NBAS: variants seen among roughly 807,000 people sequenced by gnomAD.
The protein encoded by NBAS is NBAS subunit of NRZ tethering complex, also known as NAG/BC035112 fusion.
In NBAS, 219 loss-of-function variants were observed where a neutral mutation model predicts 302.5. The observed-to-expected ratio is 0.72, with a 90% CI of 0.65 to 0.81. The LOEUF is 0.81. Ranked by LOEUF, NBAS falls within the 30% of genes least tolerant of loss-of-function variation. The probability of loss-of-function intolerance (pLI) is 0.00; values close to 1 mark genes in which losing one functional copy is unlikely to be tolerated. For missense variants in NBAS, 2,932 were observed against 2,841.6 expected, an observed-to-expected ratio of 1.03 and a Z score of -0.72; for synonymous variants, 1,118 against 1,021.6, an observed-to-expected ratio of 1.09 and a Z score of -1.80.
At chr2:15,354,780 T>C (rs1673532758) in intron 33 of NBAS, among the ~76,000 whole-genome samples, 2 of 152,212 alleles carry the variant, frequency 1.3e-5, no homozygotes, top group Non-Finnish European at 2.9e-5. Flanking sequence ...CTAGGCTGCA[T>C]ACTCCAGTTT....
At chr2:15,137,205 TTA>T in the NBAS span, among the ~76,000 whole-genome samples, 1 of 152,220 alleles carries the variant, frequency 6.6e-6, no homozygotes, top group African/African-American at 2.4e-5. Flanking sequence ...AATTTGTTTT[TTA>T]TAAGCTACCC....
chr2:15,033,693 G>A, the NBAS span, among the ~76,000 whole-genome samples: 1 of 152,104 alleles, frequency 6.6e-6, no homozygotes, highest in South Asian at 2.1e-4. Context: ...AGGCACAGTA[G>A]CTCACACCTA....
the NBAS span, among the ~76,000 whole-genome samples, chr2:14,883,971 CA>C: frequency 1.5e-5 from 2 of 130,850 alleles, no homozygotes; most frequent in African/African-American, 6.9e-5. Context: ...GACCTTCTCT[CA>C]AAAAAAATAA....
the NBAS span, among the ~76,000 whole-genome samples, chr2:15,072,042 C>T: frequency 6.6e-6 from 1 of 152,182 alleles, no homozygotes; most frequent in Non-Finnish European, 1.5e-5. Context: ...TGTCTACTTG[C>T]TCAGGATGGC....
the NBAS span, among the ~76,000 whole-genome samples, chr2:14,839,875 G>T: frequency 6.6e-6 from 1 of 151,716 alleles, no homozygotes; most frequent in Non-Finnish European, 1.5e-5. Flanking sequence ...AGACACAAAG[G>T]TACATCCACA....
chr2:14,906,865 T>C, the NBAS span, among the ~76,000 whole-genome samples: 1 of 152,212 alleles, frequency 6.6e-6, no homozygotes, highest in Admixed American at 6.5e-5. Context: ...TTATTTAATA[T>C]TGACGACAAG....
intron 44 of NBAS, among the ~76,000 whole-genome samples, chr2:15,240,875 C>T (rs1022118698): frequency 3.3e-5 from 5 of 152,088 alleles, no homozygotes. Flanking sequence ...TTAACTCCTC[C>T]CTGTGATTCA....
intron 41 of NBAS, among the ~76,000 whole-genome samples, chr2:15,287,853 G>A (rs1398884450): frequency 2.0e-5 from 3 of 149,080 alleles, no homozygotes; most frequent in African/African-American, 5.0e-5. Flanking sequence ...AGGCATCCCC[G>A]CATAAACATC....
chr2:15,182,126 A>G (rs1664853436), intron 50 of NBAS, among the ~76,000 whole-genome samples: 1 of 152,198 alleles, frequency 6.6e-6, no homozygotes, highest in Non-Finnish European at 1.5e-5. Flanking sequence ...CCAACTGGGC[A>G]CTGCAGCGGC....
intron 9 of NBAS, among the ~76,000 whole-genome samples, chr2:15,520,624 G>A (rs1359287750): frequency 6.6e-6 from 1 of 150,912 alleles, no homozygotes; most frequent in Admixed American, 6.6e-5. Flanking sequence ...AAAAAAAACA[G>A]ACAATATGTA....
intron 38 of NBAS, among the ~76,000 whole-genome samples, chr2:15,327,479 T>A (rs1672124268): frequency 6.6e-6 from 1 of 152,178 alleles, no homozygotes; most frequent in African/African-American, 2.4e-5. Flanking sequence ...ACTAGGAGAA[T>A]CACTTTACAT....
At chr2:15,331,744 T>C (rs1297105564) in intron 35 of NBAS, among the ~76,000 whole-genome samples, 3 of 152,178 alleles carry the variant, frequency 2.0e-5, no homozygotes, top group African/African-American at 4.8e-5. Context: ...AAGCTGACAG[T>C]TGCCATATAT....
chr2:15,219,057 CTT>C, intron 47 of NBAS, 89 bp from the exon 48 acceptor site: 1 of 1,490,102 alleles, frequency 6.7e-7, no homozygotes, highest in Non-Finnish European at 9.1e-7. Context: ...TGACCTAACA[CTT>C]GTTTGTTGGA....
intron 21 of NBAS, among the ~76,000 whole-genome samples, chr2:15,453,023 T>C (rs914871919): frequency 6.6e-6 from 1 of 152,156 alleles, no homozygotes; most frequent in African/African-American, 2.4e-5. Flanking sequence ...ACCCTCCAAA[T>C]TGGTCACTAG....
At chr2:15,404,124 A>C (rs1022123871) in intron 25 of NBAS, among the ~76,000 whole-genome samples, 5 of 152,066 alleles carry the variant, frequency 3.3e-5, no homozygotes, top group African/African-American at 1.2e-4. Context: ...AATCCTATAA[A>C]ATTACTACTA....
At chr2:15,115,045 A>G in the NBAS span, among the ~76,000 whole-genome samples, 1 of 152,194 alleles carries the variant, frequency 6.6e-6, no homozygotes, top group Non-Finnish European at 1.5e-5. Flanking sequence ...GTCTACTACT[A>G]TGAAAAGTAG....
chr2:15,480,741 C>A (rs2148597890), intron 12 of NBAS, among the ~76,000 whole-genome samples: 1 of 152,230 alleles, frequency 6.6e-6, no homozygotes, highest in South Asian at 2.1e-4. Context: ...TTAATAAGTC[C>A]AGGTCAGCAG....
At chr2:15,010,157 C>T in the NBAS span, among the ~76,000 whole-genome samples, 1 of 152,084 alleles carries the variant, frequency 6.6e-6, no homozygotes, top group Non-Finnish European at 1.5e-5. Context: ...GCTCAGAAGG[C>T]CTGACCCATA....
chr2:15,343,756 T>C (rs1026378627), intron 35 of NBAS, among the ~76,000 whole-genome samples: 1 of 151,718 alleles, frequency 6.6e-6, no homozygotes, highest in Non-Finnish European at 1.5e-5. Flanking sequence ...TATAAAACTT[T>C]CAGAAAAAAA....
Sources: gnomAD v4.1 joint callset for allele counts (sites outside exome capture counted in the v4.1 genomes callset) on GRCh38, gnomAD v4.1.1 for gene constraint, MANE v1.5 for transcripts, NCBI Gene and HGNC (gene_info 2026-07-23, HGNC 2026-07-21) for gene names.